PPP1R12A: variants seen among roughly 807,000 people sequenced by gnomAD.
PPP1R12A encodes the protein protein phosphatase 1 regulatory subunit 12A.
Under a neutral mutation model 139.6 loss-of-function variants are expected in PPP1R12A, and 19 were observed. The ratio of observed to expected loss-of-function variants is 0.14; its 90% CI spans 0.09 to 0.20. The LOEUF (loss-of-function observed/expected upper bound fraction) is 0.20, where lower values mean the gene tolerates loss of function less well. PPP1R12A is among the 10% of genes least tolerant of loss of function. The pLI, the probability that PPP1R12A is intolerant of heterozygous loss-of-function variation, is 1.00. For synonymous variants in PPP1R12A, 427 were observed against 420.6 expected, an observed-to-expected ratio of 1.02 and a Z score of -0.19; for missense variants, 925 against 1,211.5, an observed-to-expected ratio of 0.76 and a Z score of 3.51.
At chr12:79,814,755 C>T (rs1875098651) in intron 9 of PPP1R12A, among the ~76,000 whole-genome samples, 1 of 126,280 alleles carries the variant, frequency 7.9e-6, no homozygotes, top group Admixed American at 1.1e-4. Context: ...GTGGAGGTTG[C>T]AGTGAGCCGA....
intron 14 of PPP1R12A, among the ~76,000 whole-genome samples, chr12:79,804,368 C>T (rs1364654493): frequency 6.6e-6 from 1 of 151,958 alleles, no homozygotes; most frequent in Admixed American, 6.6e-5. Flanking sequence ...ACTCAAATCA[C>T]AAAATACTAA....
At position 79,820,949 on chromosome 12, in the gene PPP1R12A, T is replaced by C; in HGVS notation, c.957-18A>G. On this transcript the variant is annotated intron_variant, in intron 7 of 24. Coordinates refer to ENST00000450142, the MANE Select transcript of PPP1R12A (RefSeq NM_002480.3). Reference sequence around the variant, plus strand: ...TCTCTTTGCTGTTAAAGGAAAACAGTGTTCAAATGATTAGAAATACAAAAG... The same window carrying C: ...TCTCTTTGCTGTTAAAGGAAAACAGCGTTCAAATGATTAGAAATACAAAAG... The C allele has an allele frequency of 6.2e-7, 1 of 1,611,486 alleles. No individual in the cohort carries two copies. The highest frequency in any genetic ancestry group is 8.5e-7 in the Non-Finnish European group (1 of 1,178,624).
chr12:79,884,012 T>C (rs912700270), intron 1 of PPP1R12A, among the ~76,000 whole-genome samples: 4 of 152,146 alleles, frequency 2.6e-5, no homozygotes, highest in Non-Finnish European at 4.4e-5. Flanking sequence ...GAATATTTCC[T>C]GGAGGTGATT....
chr12:79,798,442 T>C, intron 15 of PPP1R12A, 52 bp downstream of exon 15: 1 of 1,212,326 alleles, frequency 8.2e-7, no homozygotes, highest in Non-Finnish European at 1.2e-6. Flanking sequence ...TGTGTATATA[T>C]ATTTTATATG....
rs1270372288 is a variant in PPP1R12A, at chr12:79,798,479, T to C, written c.2091+15A>G. On this transcript the variant is annotated intron_variant, in intron 15 of 24. Coordinates refer to ENST00000450142, the MANE Select transcript of PPP1R12A (RefSeq NM_002480.3). Reference sequence around the variant, plus strand: ...TACTTATGTAAGTTTTATATATTAATTACATTAACTATACCTGTGTTGATC... The same window carrying C: ...TACTTATGTAAGTTTTATATATTAACTACATTAACTATACCTGTGTTGATC... 1 of 1,474,642 alleles carries C rather than the reference T, an allele frequency of 6.8e-7. No homozygotes were observed. The highest frequency in any genetic ancestry group is 1.2e-5 in the South Asian group (1 of 80,664). The allele number at this position is 1,474,642 out of a possible 1,614,324, so 91.3% of individuals were successfully genotyped here. A position where few individuals can be genotyped will look rare whatever the true frequency, so the allele number is the denominator to read the frequency against.
chr12:79,858,075 T>C (rs1481512386), intron 2 of PPP1R12A, among the ~76,000 whole-genome samples: 2 of 152,196 alleles, frequency 1.3e-5, no homozygotes, highest in Non-Finnish European at 2.9e-5. Context: ...AAATACATGA[T>C]ATGCTTTGTA....
chr12:79,915,621 T>C (rs1017266906), intron 1 of PPP1R12A, among the ~76,000 whole-genome samples: 41 of 152,286 alleles, frequency 2.7e-4, no homozygotes, highest in Admixed American at 1.2e-3. Flanking sequence ...ATTTTTAATG[T>C]GGAATTTTAA....
intron 1 of PPP1R12A, chr12:79,878,531 G>A (rs952681013): frequency 3.3e-5 from 5 of 152,080 alleles, no homozygotes; most frequent in East Asian, 1.9e-4. Flanking sequence ...ATATTAGTCC[G>A]TTCTTATGCT....
intron 1 of PPP1R12A, among the ~76,000 whole-genome samples, chr12:79,924,231 T>C (rs1035652846): frequency 1.3e-5 from 2 of 152,114 alleles, no homozygotes; most frequent in African/African-American, 4.8e-5. Context: ...TAAACAGCAA[T>C]AGGCATTTTA....
chr12:79,835,277 AG>A (rs1022061468), intron 3 of PPP1R12A, among the ~76,000 whole-genome samples: 11 of 152,056 alleles, frequency 7.2e-5, no homozygotes, highest in African/African-American at 2.7e-4. Context: ...CCCAGCTTCT[AG>A]GGCTTTGAAC....
chr12:79,865,526 ATTG>A (rs1329215592), intron 2 of PPP1R12A, among the ~76,000 whole-genome samples: 3 of 152,190 alleles, frequency 2.0e-5, no homozygotes, highest in African/African-American at 7.2e-5. Flanking sequence ...AGGAAGTCAA[ATTG>A]TCTCTGTTTA....
intron 1 of PPP1R12A, among the ~76,000 whole-genome samples, chr12:79,891,882 A>AC (rs1297039621): frequency 2.0e-5 from 3 of 152,026 alleles, no homozygotes. Context: ...GCAGATCCCC[A>AC]CCCTACCCTA....
chr12:79,801,301 C>T (rs368362868), intron 14 of PPP1R12A, among the ~76,000 whole-genome samples: 6 of 121,898 alleles, frequency 4.9e-5, no homozygotes, highest in African/African-American at 1.6e-4. Context: ...GCTGAGATTG[C>T]GCCATTGCAC....
chr12:79,847,248 G>T (rs1879521889), intron 2 of PPP1R12A, among the ~76,000 whole-genome samples: 1 of 152,116 alleles, frequency 6.6e-6, no homozygotes, highest in Non-Finnish European at 1.5e-5. Flanking sequence ...TCTAAATGAA[G>T]TATAATGTAA....
chr12:79,841,046 T>C (rs910902295), intron 3 of PPP1R12A, among the ~76,000 whole-genome samples: 2 of 150,358 alleles, frequency 1.3e-5, no homozygotes, highest in Non-Finnish European at 3.0e-5. Context: ...CAATTCCTTT[T>C]TATTTAAAAA....
At chr12:79,854,239 T>G (rs2137251502) in intron 2 of PPP1R12A, among the ~76,000 whole-genome samples, 1 of 152,164 alleles carries the variant, frequency 6.6e-6, no homozygotes, top group South Asian at 2.1e-4. Flanking sequence ...CAGGGGAAAT[T>G]TATGGGATAA....
intron 1 of PPP1R12A, among the ~76,000 whole-genome samples, chr12:79,879,760 A>T (rs1039325733): frequency 1.3e-5 from 2 of 152,110 alleles, no homozygotes; most frequent in African/African-American, 4.8e-5. Flanking sequence ...AAATGTCCCT[A>T]TCTTTGTCGG....
intron 21 of PPP1R12A, 38 bp from the exon 22 acceptor site, chr12:79,786,516 G>C (rs1366337378): frequency 2.3e-6 from 3 of 1,293,328 alleles, no homozygotes; most frequent in Non-Finnish European, 3.2e-6. Context: ...TTACTTTTCT[G>C]CTCTCCTATT....
At chr12:79,884,500 C>G (rs987202704) in intron 1 of PPP1R12A, among the ~76,000 whole-genome samples, 3 of 152,076 alleles carry the variant, frequency 2.0e-5, no homozygotes, top group African/African-American at 4.8e-5. Context: ...AAACTGTTGT[C>G]CTCAACATTT....
Sources: allele counts gnomAD v4.1 joint callset (sites outside exome capture counted in the v4.1 genomes callset), GRCh38; gene constraint gnomAD v4.1.1; transcripts MANE v1.5; gene names NCBI Gene and HGNC (gene_info 2026-07-23, HGNC 2026-07-21).